Variants in CDH8 observed in about 807,000 individuals in gnomAD.
CDH8 encodes cadherin 8.
CDH8 carries 17 observed loss-of-function variants against 68.1 expected under a neutral mutation model. The ratio of observed to expected loss-of-function variants is 0.25; its 90% confidence interval spans 0.17 to 0.37. The LOEUF (loss-of-function observed/expected upper bound fraction) is 0.37, where lower values mean the gene tolerates loss of function less well. Among genes scored for constraint, CDH8 ranks in the 10% least tolerant of loss-of-function variants. The pLI is 1.00. For synonymous variants in CDH8, 372 were observed against 365.1 expected (o/e 1.02, Z -0.21); for missense variants, 763 against 999.3 (o/e 0.76, Z 3.19).
chr16:61,722,162 T>C (rs1207227563), intron 9 of CDH8, among the ~76,000 whole-genome samples: 1 of 150,820 alleles, frequency 6.6e-6, no homozygotes, highest in Non-Finnish European at 1.5e-5. Flanking sequence ...GTATCTTCCA[T>C]TCTTCTAACA....
intron 8 of CDH8, among the ~76,000 whole-genome samples, chr16:61,761,055 G>C (rs1413416234): frequency 1.3e-5 from 2 of 152,000 alleles, no homozygotes; most frequent in Non-Finnish European, 2.9e-5. Flanking sequence ...ATCATCACAT[G>C]ACATTGATTT....
At chr16:61,689,970 T>C (rs981546939) in intron 10 of CDH8, among the ~76,000 whole-genome samples, 1 of 152,060 alleles carries the variant, frequency 6.6e-6, no homozygotes, top group Non-Finnish European at 1.5e-5. Flanking sequence ...TCTTTCCTTT[T>C]CCAATTTCAC....
At chr16:61,692,323 GC>G (rs1326849828) in intron 10 of CDH8, 1 of 152,032 alleles carries the variant, frequency 6.6e-6, no homozygotes, top group Non-Finnish European at 1.5e-5. Flanking sequence ...CTCTTGCTAC[GC>G]GTCATTATTG....
chr16:61,992,887 C>T (rs904039811), intron 2 of CDH8, among the ~76,000 whole-genome samples: 2 of 152,052 alleles, frequency 1.3e-5, no homozygotes, highest in Non-Finnish European at 2.9e-5. Context: ...CTCCTGGGCT[C>T]ATAGGATCCT....
intron 8 of CDH8, among the ~76,000 whole-genome samples, chr16:61,730,392 A>T (rs570669588): frequency 1.3e-5 from 2 of 151,658 alleles, no homozygotes; most frequent in South Asian, 4.1e-4. Context: ...CATGAATGAT[A>T]TATAATGTTT....
At chr16:61,990,934 GA>G (rs2150589210) in intron 2 of CDH8, among the ~76,000 whole-genome samples, 1 of 149,898 alleles carries the variant, frequency 6.7e-6, no homozygotes, top group Admixed American at 6.7e-5. Flanking sequence ...GGAAGGAAAA[GA>G]AAGAAACAGA....
At chr16:61,912,909 C>A (rs1338392423) in intron 2 of CDH8, among the ~76,000 whole-genome samples, 1 of 152,044 alleles carries the variant, frequency 6.6e-6, no homozygotes, top group African/African-American at 2.4e-5. Flanking sequence ...CAAACAATCA[C>A]AAACAGAAAA....
At chr16:61,992,480 T>C (rs1965742948) in intron 2 of CDH8, among the ~76,000 whole-genome samples, 3 of 146,998 alleles carry the variant, frequency 2.0e-5, no homozygotes, top group African/African-American at 7.5e-5. Flanking sequence ...TTAGGAGATA[T>C]ACCTAATGCT....
intron 10 of CDH8, among the ~76,000 whole-genome samples, chr16:61,669,587 CAGA>C (rs1190042403): frequency 3.3e-5 from 5 of 152,016 alleles, no homozygotes; most frequent in Non-Finnish European, 5.9e-5. Context: ...ACTTCTTACC[CAGA>C]AGGAGAAAAC....
chr16:61,653,405 C>T lies in CDH8; in HGVS notation c.*203G>A, dbSNP rs1442845673. ...AGACACTCCACATACTTAATTCACA[C>T]TCCACAAGATTTATAACCTCCTAAC... On this transcript the variant is annotated 3_prime_UTR_variant, in exon 12 of 12. Transcript: ENST00000577390. 2.9e-6 allele frequency: 4 copies of T among 1,367,120 alleles called. No homozygotes were observed. Among genetic ancestry groups the T allele is most frequent in the African/African-American group, 1.5e-5 (1 of 68,122 alleles). 84.7% of individuals were successfully genotyped at this position (1,367,120 alleles called of 1,614,324 possible). A position where few individuals can be genotyped will look rare whatever the true frequency, so the allele number is the denominator to read the frequency against.
At chr16:61,970,608 C>G (rs61196665) in intron 2 of CDH8, among the ~76,000 whole-genome samples, 1 of 152,150 alleles carries the variant, frequency 6.6e-6, no homozygotes, top group Non-Finnish European at 1.5e-5. Flanking sequence ...TGACACAGAA[C>G]GCTTCTGTGA....
chr16:61,813,029 T>C (rs1961988443), intron 7 of CDH8, among the ~76,000 whole-genome samples: 1 of 152,198 alleles, frequency 6.6e-6, no homozygotes, highest in Non-Finnish European at 1.5e-5. Flanking sequence ...TTTTCTCCTT[T>C]ACCTTGCCCA....
In CDH8 at chr16:62,021,512, C is replaced by T. The variant is rs1902075611; in HGVS notation, c.-109G>A. ...CAGTGCCGAGCATTTACTTACAGCT[C>T]TGCCACGTGTCTATAGCACGGGAAA... On this transcript the variant is annotated 5_prime_UTR_variant, in exon 2 of 12. Transcript: ENST00000577390. 9 of 1,497,926 alleles carry T rather than the reference C, an allele frequency of 6.0e-6. No individual in the cohort carries two copies. Among genetic ancestry groups the T allele is most frequent in the Non-Finnish European group, 6.2e-6 (7 of 1,129,132 alleles). The allele number at this position is 1,497,926 out of a possible 1,614,324, so 92.8% of individuals were successfully genotyped here.
chr16:61,980,022 G>A (rs2150581999), intron 2 of CDH8, among the ~76,000 whole-genome samples: 1 of 152,228 alleles, frequency 6.6e-6, no homozygotes, highest in Middle Eastern at 3.4e-3. Context: ...TCAGAAAGTA[G>A]GAACTAAAGA....
chr16:62,035,475 G>T (rs1902433726), intron 1 of CDH8, among the ~76,000 whole-genome samples: 1 of 152,114 alleles, frequency 6.6e-6, no homozygotes, highest in East Asian at 2.0e-4. Context: ...AGCGGGCACC[G>T]CACCTCCCAG....
intron 4 of CDH8, among the ~76,000 whole-genome samples, chr16:61,844,697 A>G (rs1188095804): frequency 3.9e-5 from 6 of 152,160 alleles, no homozygotes; most frequent in African/African-American, 1.4e-4. Flanking sequence ...TGATTATTGC[A>G]ATTTAGTATA....
At chr16:61,917,981 T>C (rs895160616) in intron 2 of CDH8, among the ~76,000 whole-genome samples, 11 of 151,212 alleles carry the variant, frequency 7.3e-5, no homozygotes, top group African/African-American at 2.2e-4. Flanking sequence ...TTTTTTTTTT[T>C]TTTTTTACCG....
intron 3 of CDH8, among the ~76,000 whole-genome samples, chr16:61,886,245 T>C (rs186832714): frequency 2.0e-5 from 3 of 152,308 alleles, no homozygotes; most frequent in Non-Finnish European, 4.4e-5. Context: ...CCAAGATCTT[T>C]CACAAGGCAG....
At chr16:61,700,892 G>C (rs550051297) in intron 10 of CDH8, among the ~76,000 whole-genome samples, 1 of 152,252 alleles carries the variant, frequency 6.6e-6, no homozygotes, top group South Asian at 2.1e-4. Context: ...AGCAGTTTTT[G>C]AATGTCCTCA....
Sources: gnomAD v4.1 joint callset for allele counts (sites outside exome capture counted in the v4.1 genomes callset) on GRCh38, gnomAD v4.1.1 for gene constraint, MANE v1.5 for transcripts, NCBI Gene and HGNC (gene_info 2026-07-23, HGNC 2026-07-21) for gene names.